HADHB: variants seen among roughly 807,000 people sequenced by gnomAD.
The protein encoded by HADHB is hydroxyacyl-CoA dehydrogenase trifunctional multienzyme complex subunit beta, also known as trifunctional enzyme subunit beta, mitochondrial.
In HADHB, 50 loss-of-function variants were observed where a neutral mutation model predicts 61.9. That is an observed-to-expected ratio of 0.81 (90% CI 0.64 to 1.02). The LOEUF (loss-of-function observed/expected upper bound fraction) is 1.02, where lower values mean the gene tolerates loss of function less well. HADHB is among the 50% of genes least tolerant of loss of function. The pLI is 0.00. For synonymous variants in HADHB, 191 were observed against 201.6 expected, an observed-to-expected ratio of 0.95 and a Z score of 0.45; for missense variants, 504 against 586.5, an observed-to-expected ratio of 0.86 and a Z score of 1.45.
rs72851522 is a variant in HADHB, at chr2:26,273,441, C to G, written c.255-210C>G. On this transcript the variant is annotated intron_variant, in intron 5 of 15. Transcript: ENST00000317799. ...ATTCTCTAACTTCTCATTACCAATT[C>G]AGCATCAAATGTTGACTTTTAAAAT... 6.3e-3 allele frequency among the ~76,000 whole-genome samples: 955 copies of G among 152,194 alleles called. 8 individuals are homozygous for G. The highest frequency in any genetic ancestry group is 0.022 in the African/African-American group (893 of 41,518).
At chr2:26,277,438 G>A (rs935353825) in intron 7 of HADHB, among the ~76,000 whole-genome samples, 1 of 151,852 alleles carries the variant, frequency 6.6e-6, no homozygotes, top group Admixed American at 6.6e-5. Context: ...ATCTCGCCAT[G>A]TTGCCCAGGC....
intron 10 of HADHB, among the ~76,000 whole-genome samples, chr2:26,281,039 GC>G (rs1672767583): frequency 6.6e-6 from 1 of 151,984 alleles, no homozygotes; most frequent in Non-Finnish European, 1.5e-5. Context: ...ACCTCTTCCA[GC>G]CCTGATTGTT....
chr2:26,274,341 G>A (rs1039753573), intron 6 of HADHB, among the ~76,000 whole-genome samples: 1 of 152,178 alleles, frequency 6.6e-6, no homozygotes, highest in African/African-American at 2.4e-5. Flanking sequence ...ATCCAAACAC[G>A]TCTTCTGGGC....
In HADHB at chr2:26,280,109, T is replaced by C. The variant is rs773033277; in HGVS notation, c.927T>C (p.Ser309=). 6 of 1,612,324 alleles carry C rather than the reference T, an allele frequency of 3.7e-6. No homozygotes were observed. Among genetic ancestry groups the C allele is most frequent in the South Asian group, 1.1e-5 (1 of 91,060 alleles). Residue 309 remains serine, a synonymous_variant, in exon 10 of 16, where the codon TCT becomes TCC. Coordinates refer to ENST00000317799, the MANE Select transcript of HADHB (RefSeq NM_000183.3). ...GCACAGTGACAGCTGCAAATTCTTC[T>C]TTCTTGGTAACTGTCAATGTTATTT... ...PYGTVTAANS[S]FLTDGASAML...
At chr2:26,250,461 A>T (rs1024272748) in intron 1 of HADHB, among the ~76,000 whole-genome samples, 35 of 151,962 alleles carry the variant, frequency 2.3e-4, no homozygotes, top group Admixed American at 2.6e-4. Context: ...ATATGATCAG[A>T]TCTATTAGTT....
intron 15 of HADHB, 121 bp downstream of exon 15, chr2:26,285,692 G>A (rs1254816515): frequency 6.6e-6 from 4 of 609,430 alleles, no homozygotes; most frequent in Non-Finnish European, 9.1e-6. Context: ...GGTGGGGAGT[G>A]GGGAGGGATA....
At chr2:26,278,940 A>G (rs762532080) in intron 8 of HADHB, 139 bp downstream of exon 8, 23 of 976,722 alleles carry the variant, frequency 2.4e-5, no homozygotes, top group Non-Finnish European at 3.4e-5. Context: ...TGGAAAAAAA[A>G]GATAGTGGTT....
At chr2:26,253,885 T>A (rs1671504806) in intron 1 of HADHB, among the ~76,000 whole-genome samples, 1 of 150,128 alleles carries the variant, frequency 6.7e-6, no homozygotes, top group African/African-American at 2.4e-5. Flanking sequence ...AATAAATAAA[T>A]AAATAAATAA....
At chr2:26,284,276 G>A in intron 13 of HADHB, 72 bp downstream of exon 13, 1 of 858,470 alleles carries the variant, frequency 1.2e-6, no homozygotes, top group South Asian at 1.3e-5. Context: ...GTGGGAGAGA[G>A]CAAGGCATGG....
intron 15 of HADHB, among the ~76,000 whole-genome samples, chr2:26,286,889 A>T (rs1673058040): frequency 6.7e-6 from 1 of 148,742 alleles, no homozygotes; most frequent in Non-Finnish European, 1.5e-5. Flanking sequence ...CCTGTTCCTG[A>T]TCAAAATGAA....
intron 1 of HADHB, 42 bp from the exon 2 acceptor site, chr2:26,254,205 G>C (rs777425544): frequency 2.2e-6 from 2 of 900,986 alleles, no homozygotes; most frequent in Admixed American, 3.4e-5. Flanking sequence ...ACTACAAATT[G>C]TTCAGCTAAT....
At position 26,279,989 on chromosome 2, in the gene HADHB, A is replaced by C. The variant is rs72851534; in HGVS notation, c.812-5A>C. ...TAGAGTTAAAAAAATTCATTTTTTT[A>C]ATAGGAAAAGATACAGTTACCAAAG... On this transcript the variant is annotated splice_region_variant and splice_polypyrimidine_tract_variant and intron_variant, in intron 9 of 15. Transcript: ENST00000317799. 6.9e-5 allele frequency: 111 copies of C among 1,605,230 alleles called. No homozygotes were observed. The highest frequency in any genetic ancestry group is 8.9e-5 in the Non-Finnish European group (104 of 1,173,876).
chr2:26,271,399 T>G (rs1383612623), intron 5 of HADHB, among the ~76,000 whole-genome samples: 1 of 151,864 alleles, frequency 6.6e-6, no homozygotes, highest in Non-Finnish European at 1.5e-5. Flanking sequence ...GCCAGCTACT[T>G]GGAAGGCTGA....
At chr2:26,253,644 G>A (rs1190064387) in intron 1 of HADHB, among the ~76,000 whole-genome samples, 1 of 151,992 alleles carries the variant, frequency 6.6e-6, no homozygotes, top group African/African-American at 2.4e-5. Flanking sequence ...CTGAGGTCAG[G>A]AGTTCGACAC....
intron 7 of HADHB, among the ~76,000 whole-genome samples, chr2:26,278,288 C>A (rs1031515672): frequency 1.3e-5 from 2 of 152,194 alleles, no homozygotes; most frequent in Non-Finnish European, 2.9e-5. Flanking sequence ...GATAAAAAAT[C>A]TTTATTAAAA....
chr2:26,251,147 A>G (rs1210213648), intron 1 of HADHB, among the ~76,000 whole-genome samples: 1 of 151,092 alleles, frequency 6.6e-6, no homozygotes, highest in African/African-American at 2.4e-5. Context: ...TTCCTGTGCT[A>G]AAGCTGCTCT....
At chr2:26,286,348 T>G (rs1214076759) in intron 15 of HADHB, among the ~76,000 whole-genome samples, 2 of 152,186 alleles carry the variant, frequency 1.3e-5, no homozygotes, top group Non-Finnish European at 2.9e-5. Flanking sequence ...GGGGAGTTAA[T>G]TTACTTCTGG....
Position 26,290,134 on chromosome 2 carries a change from GT to G in HADHB, c.*184del. 1 of 641,364 alleles carries G rather than the reference GT, an allele frequency of 1.6e-6. No homozygotes were observed. The highest frequency in any genetic ancestry group is 2.8e-5 in the East Asian group (1 of 36,260). 39.7% of individuals were successfully genotyped at this position (641,364 alleles called of 1,614,324 possible). ...AGTGTTCTGAGCTTTTCAATAATCAGTTTACTGCTCTTTCAGGGATTTCTAA... is the reference window on the plus strand; with the variant it reads ...AGTGTTCTGAGCTTTTCAATAATCAGTTACTGCTCTTTCAGGGATTTCTAA... On this transcript the variant is annotated 3_prime_UTR_variant, in exon 16 of 16. Coordinates refer to ENST00000317799, the MANE Select transcript of HADHB (RefSeq NM_000183.3).
chr2:26,277,234 T>A, intron 7 of HADHB, 74 bp downstream of exon 7: 15 of 84,140 alleles, frequency 1.8e-4, no homozygotes, highest in Non-Finnish European at 3.3e-4. Context: ...AAAAATGTAC[T>A]TTTTTTTTTT....
Sources: allele counts gnomAD v4.1 joint callset (sites outside exome capture counted in the v4.1 genomes callset), GRCh38; gene constraint gnomAD v4.1.1; transcripts MANE v1.5; gene names NCBI Gene and HGNC (gene_info 2026-07-23, HGNC 2026-07-21).